AQP4: variants seen among roughly 807,000 people sequenced by gnomAD.
AQP4 encodes the protein aquaporin 4.
Under a neutral mutation model 27.8 loss-of-function variants are expected in AQP4, and 18 were observed. The observed-to-expected ratio is 0.65, with a 90% CI of 0.45 to 0.96. The LOEUF (loss-of-function observed/expected upper bound fraction) is 0.96. Among genes scored for constraint, AQP4 ranks in the 40% least tolerant of loss-of-function variants. The pLI is 0.00. For missense variants in AQP4, 412 were observed against 408.2 expected, an observed-to-expected ratio of 1.01 and a Z score of -0.08; for synonymous variants, 141 against 142.9, an observed-to-expected ratio of 0.99 and a Z score of 0.10.
At chr18:26,860,325 C>T (rs1388912047) in intron 4 of AQP4, among the ~76,000 whole-genome samples, 2 of 152,136 alleles carry the variant, frequency 1.3e-5, no homozygotes, top group Non-Finnish European at 2.9e-5. Flanking sequence ...AATATCTTTG[C>T]TATGGGCAGC....
rs1391868783 is a variant in AQP4, at chr18:26,862,570, T to C, written c.59A>G (p.Glu20Gly). ...CCCTTTGAAAGCCACCATGATGTTC[T>C]CTCTGGTACACAAAGGTCCACACTT... is the stretch of plus-strand genomic sequence containing the variant. ...WGKCGPLCTR[E>G]NIMVAFKGVW... Residue 20 changes from glutamate (E) to glycine (G), a missense_variant, in exon 2 of 5, where the codon GAG becomes GGG. Transcript: ENST00000383168. 6.2e-7 allele frequency: 1 copy of C among 1,614,084 alleles called. No homozygotes were observed. Among genetic ancestry groups the C allele is most frequent in the South Asian group, 1.1e-5 (1 of 91,076 alleles).
chr18:26,861,770 G>A (rs762767691), intron 2 of AQP4, among the ~76,000 whole-genome samples: 85 of 151,964 alleles, frequency 5.6e-4, no homozygotes, highest in Non-Finnish European at 4.0e-4. Flanking sequence ...AACTAGGATC[G>A]GATGTCTATT....
At position 26,855,976 on chromosome 18, in the gene AQP4, A is replaced by G. The variant is rs187447118; in HGVS notation, c.*235T>C. The G allele has an allele frequency of 3.7e-4, 200 of 539,802 alleles. No individual in the cohort carries two copies. Among genetic ancestry groups the G allele is most frequent in the Admixed American group, 6.7e-4 (21 of 31,242 alleles). 33.4% of individuals were successfully genotyped at this position (539,802 alleles called of 1,614,324 possible). A position where few individuals can be genotyped will look rare whatever the true frequency, so the allele number is the denominator to read the frequency against. The stretch of plus-strand genomic sequence containing the variant: ...AGGTAACTAGATAAAATAGGTATAT[A>G]TTTGCTTAAGAACATTTTAAAAATA... On this transcript the variant is annotated 3_prime_UTR_variant, in exon 5 of 5. Transcript: ENST00000383168.
rs1479782033 is a variant in AQP4, at chr18:26,853,332, T to C, written c.*2879A>G. 2 of 154,756 alleles carry C rather than the reference T, an allele frequency of 1.3e-5. No homozygotes were observed. Among genetic ancestry groups the C allele is most frequent in the African/African-American group, 4.8e-5 (2 of 41,602 alleles). The allele number at this position is 154,756 out of a possible 1,614,324, so 9.6% of individuals were successfully genotyped here. On this transcript the variant is annotated 3_prime_UTR_variant, in exon 5 of 5. Coordinates refer to ENST00000383168, the MANE Select transcript of AQP4 (RefSeq NM_001650.7). ...TCCTTCCAGTACAAAAGGTTAAGGC[T>C]CTTTGAAGAAAATGTTATCTTCAAC...
intron 4 of AQP4, among the ~76,000 whole-genome samples, chr18:26,858,721 T>C (rs1408503527): frequency 6.6e-6 from 1 of 152,194 alleles, no homozygotes. Flanking sequence ...ATTACTACCC[T>C]TTCCAAAACA....
intron 1 of AQP4, among the ~76,000 whole-genome samples, chr18:26,863,701 G>T (rs1018930418): frequency 6.6e-6 from 1 of 151,744 alleles, no homozygotes; most frequent in African/African-American, 2.4e-5. Flanking sequence ...CAGGAAAAGC[G>T]GGTGTGGTTA....
chr18:26,859,961 G>A (rs1024360775), intron 4 of AQP4, among the ~76,000 whole-genome samples: 3 of 152,176 alleles, frequency 2.0e-5, no homozygotes, highest in African/African-American at 7.2e-5. Flanking sequence ...ATTGGCTATT[G>A]TAAGTTAGCA....
intron 4 of AQP4, 147 bp from the exon 5 acceptor site, chr18:26,856,636 A>T (rs1598510195): frequency 1.1e-6 from 1 of 906,482 alleles, no homozygotes; most frequent in East Asian, 2.6e-5. Context: ...GAAATAAGAA[A>T]ACACACCAAA....
chr18:26,860,787 A>G lies in AQP4; in HGVS notation c.678T>C (p.Asn226=), dbSNP rs2054926877. Reference sequence around the variant, plus strand: ...TGAGGGTTACCCAATGGTTTTCCCAATTTCCCATGATAACTGCAGGTCCAA... The same window carrying G: ...TGAGGGTTACCCAATGGTTTTCCCAGTTTCCCATGATAACTGCAGGTCCAA... The part of the protein sequence containing the change: ...RSFGPAVIMG[N]WENHWIYWVG... Residue 226 remains asparagine (N), a synonymous_variant, in exon 4 of 5, where the codon AAT becomes AAC. Coordinates refer to ENST00000383168, the MANE Select transcript of AQP4 (RefSeq NM_001650.7). 1.9e-6 allele frequency: 3 copies of G among 1,614,010 alleles called. No homozygotes were observed. In the African/African-American group the frequency reaches 4.0e-5, roughly 22 times the overall value.
intron 4 of AQP4, among the ~76,000 whole-genome samples, chr18:26,860,302 CA>C (rs1467642568): frequency 1.3e-5 from 2 of 151,860 alleles, no homozygotes; most frequent in African/African-American, 2.4e-5. Flanking sequence ...CATTTGTAAA[CA>C]AAAAAAGGGT....
chr18:26,857,350 C>T (rs906965445), intron 4 of AQP4, among the ~76,000 whole-genome samples: 25 of 151,280 alleles, frequency 1.7e-4, no homozygotes, highest in Non-Finnish European at 2.5e-4. Context: ...AATTTTGAGA[C>T]GGAGTCTTGC....
intron 4 of AQP4, among the ~76,000 whole-genome samples, chr18:26,859,214 G>A (rs998457182): frequency 6.6e-5 from 10 of 152,208 alleles, no homozygotes; most frequent in Non-Finnish European, 1.5e-4. Context: ...TGAACTGAAA[G>A]TTGTATTTTC....
rs2054845115 is a variant in AQP4 at position 26,856,417 on chromosome 18, C to T, written c.766G>A (p.Val256Ile). 6.2e-7 allele frequency: 1 copy of T among 1,614,234 alleles called. No individual in the cohort carries two copies. Among genetic ancestry groups the T allele is most frequent in the East Asian group, 2.2e-5 (1 of 44,888 alleles). The stretch of plus-strand genomic sequence containing the variant: ...TCTTTAAAACGACGTTTGAATTCAA[C>T]ATCTGGACAGAAGACATACTCATAA... ...GLYEYVFCPD[V>I]EFKRRFKEAF... Residue 256 changes from valine to isoleucine, a missense_variant, in exon 5 of 5, where the codon GTT (valine) becomes ATT (isoleucine). By Grantham distance (29) the Val-to-Ile change is conservative. Transcript: ENST00000383168.
chr18:26,857,340 A>G, intron 4 of AQP4, among the ~76,000 whole-genome samples: 1 of 147,086 alleles, frequency 6.8e-6, no homozygotes, highest in Non-Finnish European at 1.5e-5. Context: ...TATTATTATT[A>G]ATTTTGAGAC....
At position 26,862,476 on chromosome 18, in the gene AQP4, G is replaced by A. The variant is rs148022306; in HGVS notation, c.153C>T (p.Leu51=). Reference sequence around the variant, plus strand: ...CCCAGTTGATGGTGGATCCCAGGCTGAGGAGAACAAAAATAAGCATGGCCA... The same window carrying A: ...CCCAGTTGATGGTGGATCCCAGGCTAAGGAGAACAAAAATAAGCATGGCCA... The part of the protein sequence containing the change: ...EFLAMLIFVL[L]SLGSTINWGG... The change falls in exon 2 of 5, where the codon CTC becomes CTT. Residue 51 remains leucine, a synonymous_variant. Transcript: ENST00000383168. 43 of 1,614,210 alleles carry A rather than the reference G, an allele frequency of 2.7e-5. No homozygotes were observed. The African/African-American group carries it at 4.9e-4, about 19-fold the overall frequency.
intron 1 of AQP4, 158 bp from the exon 2 acceptor site, chr18:26,862,754 G>A: frequency 2.3e-6 from 2 of 873,906 alleles, no homozygotes; most frequent in Non-Finnish European, 3.7e-6. Flanking sequence ...GCTCCTTCAT[G>A]AATAGTCAAG....
Position 26,862,276 on chromosome 18 carries a change from T to C in AQP4, c.353A>G (p.Tyr118Cys). 1 of 1,614,214 alleles carries C rather than the reference T, an allele frequency of 6.2e-7. No homozygotes were observed. Among genetic ancestry groups the C allele is most frequent in the East Asian group, 2.2e-5 (1 of 44,882 alleles). The change falls in exon 2 of 5, where the codon TAC becomes TGC. Residue 118 changes from tyrosine (Y) to cysteine (C), a missense_variant. Transcript: ENST00000383168. Reference sequence around the variant, plus strand: ...GGCCCCCAGGCACTGGGCTGCGATGTAGAAGACAGACTTGGCGATGCTGAT... The same window carrying C: ...GGCCCCCAGGCACTGGGCTGCGATGCAGAAGACAGACTTGGCGATGCTGAT... ...RKISIAKSVF[Y>C]IAAQCLGAII...
chr18:26,859,962 T>C (rs1246476273), intron 4 of AQP4, among the ~76,000 whole-genome samples: 2 of 152,226 alleles, frequency 1.3e-5, no homozygotes, highest in Non-Finnish European at 2.9e-5. Context: ...TTGGCTATTG[T>C]AAGTTAGCAT....
chr18:26,864,396 G>A (rs75822638), intron 1 of AQP4, among the ~76,000 whole-genome samples: 1,623 of 152,050 alleles, frequency 0.011, 33 homozygotes, highest in African/African-American at 0.037. Context: ...TAAAGGAAGA[G>A]CTGGCTCCAC....
Sources: gnomAD v4.1 joint callset for allele counts (sites outside exome capture counted in the v4.1 genomes callset) on GRCh38, gnomAD v4.1.1 for gene constraint, MANE v1.5 for transcripts, NCBI Gene and HGNC (gene_info 2026-07-23, HGNC 2026-07-21) for gene names.